The following KCNH7 variants were observed in gnomAD, a reference collection of about 807,000 sequenced individuals.
KCNH7 encodes voltage-gated inwardly rectifying potassium channel KCNH7.
A neutral mutation model predicts 120.8 loss-of-function variants in KCNH7; 49 were observed. The observed-to-expected ratio is 0.41, with a 90% confidence interval of 0.32 to 0.51. The LOEUF is 0.51. Among genes scored for constraint, KCNH7 ranks in the 20% least tolerant of loss-of-function variants. The pLI is 0.38. For synonymous variants in KCNH7, 547 were observed against 516.1 expected (o/e 1.06, Z -0.81); for missense variants, 1,097 against 1,446.6 (o/e 0.76, Z 3.92).
chr2:162,451,705 ATAGT>A (rs1688776076), intron 6 of KCNH7, among the ~76,000 whole-genome samples: 1 of 152,002 alleles, frequency 6.6e-6, no homozygotes, highest in African/African-American at 2.4e-5. Context: ...ATGTAGATAG[ATAGT>A]TTGATCAATC....
At chr2:162,534,341 CTT>C (rs1661609054) in intron 3 of KCNH7, among the ~76,000 whole-genome samples, 1 of 151,190 alleles carries the variant, frequency 6.6e-6, no homozygotes, top group Admixed American at 6.6e-5. Flanking sequence ...AAAGTTAAGT[CTT>C]TGGGAAAAAA....
intron 2 of KCNH7, among the ~76,000 whole-genome samples, chr2:162,720,868 A>AT (rs1687302404): frequency 6.6e-6 from 1 of 152,124 alleles, no homozygotes; most frequent in African/African-American, 2.4e-5. Context: ...ATATTTCCTC[A>AT]TTTTTTGTGC....
At chr2:162,552,415 A>C (rs1692700100) in intron 2 of KCNH7, among the ~76,000 whole-genome samples, 1 of 152,150 alleles carries the variant, frequency 6.6e-6, no homozygotes, top group South Asian at 2.1e-4. Context: ...AAATAAGAAC[A>C]AAAAAAGACA....
At chr2:162,793,360 C>T (rs769311326) in intron 2 of KCNH7, among the ~76,000 whole-genome samples, 17 of 151,672 alleles carry the variant, frequency 1.1e-4, no homozygotes, top group Non-Finnish European at 2.5e-4. Flanking sequence ...AGGCTTAATA[C>T]CTGGGTGATG....
At chr2:162,702,592 G>A (rs1443526344) in intron 2 of KCNH7, among the ~76,000 whole-genome samples, 3 of 152,108 alleles carry the variant, frequency 2.0e-5, no homozygotes, top group African/African-American at 7.2e-5. Flanking sequence ...AGACGTGATA[G>A]GAAAGAATTT....
intron 2 of KCNH7, among the ~76,000 whole-genome samples, chr2:162,648,612 A>T (rs1413704263): frequency 1.3e-5 from 2 of 152,114 alleles, no homozygotes; most frequent in Non-Finnish European, 2.9e-5. Context: ...TTTTTCTCAG[A>T]CTAGAATATT....
At chr2:162,417,791 T>C (rs940606546) in intron 9 of KCNH7, among the ~76,000 whole-genome samples, 2 of 152,198 alleles carry the variant, frequency 1.3e-5, no homozygotes, top group Non-Finnish European at 2.9e-5. Context: ...TCATCACTTG[T>C]GCAAGATGAA....
At chr2:162,717,361 T>C (rs1488580868) in intron 2 of KCNH7, among the ~76,000 whole-genome samples, 1 of 152,084 alleles carries the variant, frequency 6.6e-6, no homozygotes, top group Non-Finnish European at 1.5e-5. Flanking sequence ...TAATATTCAA[T>C]AAAGCTAGCA....
chr2:162,552,511 G>A (rs1218924109), intron 2 of KCNH7, among the ~76,000 whole-genome samples: 1 of 152,178 alleles, frequency 6.6e-6, no homozygotes, highest in African/African-American at 2.4e-5. Context: ...TCATTCCTCT[G>A]TCATACAGAT....
At chr2:162,446,720 T>C (rs1303926344) in intron 6 of KCNH7, among the ~76,000 whole-genome samples, 1 of 152,140 alleles carries the variant, frequency 6.6e-6, no homozygotes, top group Non-Finnish European at 1.5e-5. Context: ...GGAATGTTAC[T>C]GTTTCCTTTG....
Position 162,446,458 on chromosome 2 carries a change from G to T in KCNH7, c.1129-15C>A, listed in dbSNP as rs199684735. 3.9e-5 allele frequency: 62 copies of T among 1,582,884 alleles called. No individual in the cohort carries two copies. Among genetic ancestry groups the T allele is most frequent in the Non-Finnish European group, 5.2e-5 (61 of 1,162,962 alleles). On this transcript the variant is annotated splice_polypyrimidine_tract_variant and intron_variant, in intron 6 of 15. Transcript: ENST00000332142. ...AAAGAGAGAACCTGAATGTGCAAAA[G>T]AAAATCATACACTACATAAATATGC...
At chr2:162,568,962 G>T (rs988525394) in intron 2 of KCNH7, among the ~76,000 whole-genome samples, 2 of 152,014 alleles carry the variant, frequency 1.3e-5, no homozygotes, top group Non-Finnish European at 2.9e-5. Flanking sequence ...TGTTCATCAA[G>T]GATATTGGGA....
intron 3 of KCNH7, among the ~76,000 whole-genome samples, chr2:162,535,924 C>T (rs1692090001): frequency 6.6e-6 from 1 of 151,740 alleles, no homozygotes; most frequent in Admixed American, 6.6e-5. Context: ...AAAAGATAGA[C>T]TTTTTAATAA....
At chr2:162,613,949 G>GA (rs1410985247) in intron 2 of KCNH7, among the ~76,000 whole-genome samples, 2 of 141,848 alleles carry the variant, frequency 1.4e-5, no homozygotes, top group African/African-American at 5.1e-5. Flanking sequence ...TCCCCAAAGA[G>GA]AAAGTTTTTT....
intron 2 of KCNH7, among the ~76,000 whole-genome samples, chr2:162,624,666 T>C (rs1683482870): frequency 6.6e-6 from 1 of 152,120 alleles, no homozygotes; most frequent in Non-Finnish European, 1.5e-5. Flanking sequence ...TCATCTGCGA[T>C]TTTATGGGCT....
At chr2:162,799,275 ATGGTCCC>A (rs1300768452) in intron 2 of KCNH7, among the ~76,000 whole-genome samples, 2 of 151,958 alleles carry the variant, frequency 1.3e-5, no homozygotes, top group Non-Finnish European at 2.9e-5. Flanking sequence ...TGGGGTCTGA[ATGGTCCC>A]TATATTGTGT....
chr2:162,490,107 G>T (rs925350882), intron 6 of KCNH7, among the ~76,000 whole-genome samples: 1 of 152,202 alleles, frequency 6.6e-6, no homozygotes, highest in South Asian at 2.1e-4. Context: ...GACAGTAAGG[G>T]GAGGGTCCCT....
intron 2 of KCNH7, among the ~76,000 whole-genome samples, chr2:162,564,572 G>T (rs975307774): frequency 2.0e-5 from 3 of 152,130 alleles, no homozygotes; most frequent in African/African-American, 7.2e-5. Flanking sequence ...AAGACTCTCT[G>T]TGGTAAATTT....
At chr2:162,620,678 C>T (rs761341917) in intron 2 of KCNH7, among the ~76,000 whole-genome samples, 1 of 152,062 alleles carries the variant, frequency 6.6e-6, no homozygotes, top group Non-Finnish European at 1.5e-5. Context: ...TTTATGGGGT[C>T]TCACAGATTC....
Sources: allele counts gnomAD v4.1 joint callset (sites outside exome capture counted in the v4.1 genomes callset), GRCh38; gene constraint gnomAD v4.1.1; transcripts MANE v1.5; gene names NCBI Gene and HGNC (gene_info 2026-07-23, HGNC 2026-07-21).